ASH1L: variants seen among roughly 807,000 people sequenced by gnomAD.
ASH1L encodes the protein histone-lysine N-methyltransferase ASH1L.
In ASH1L, 23 loss-of-function variants were observed where a neutral mutation model predicts 269.0. The ratio of observed to expected loss-of-function variants is 0.09; its 90% CI spans 0.06 to 0.12. ASH1L has a LOEUF of 0.12. ASH1L is among the 10% of genes least tolerant of loss of function. The probability of loss-of-function intolerance (pLI) is 1.00; values close to 1 mark genes in which losing one functional copy is unlikely to be tolerated. For missense variants in ASH1L, 2,912 were observed against 3,567.8 expected, an observed-to-expected ratio of 0.82 and a Z score of 4.68; for synonymous variants, 1,187 against 1,253.5, an observed-to-expected ratio of 0.95 and a Z score of 1.12.
chr1:155,562,878 GGCCGCC>G (rs760485253), upstream of ASH1L: 6 of 321,786 alleles, frequency 1.9e-5, no homozygotes, highest in Non-Finnish European at 3.0e-5. Flanking sequence ...CCGCCGCCAC[GGCCGCC>G]GCCGCCGCCG....
chr1:155,407,391 T>C (rs1027884863), intron 6 of ASH1L, among the ~76,000 whole-genome samples: 7 of 152,180 alleles, frequency 4.6e-5, no homozygotes, highest in Admixed American at 1.3e-4. Context: ...CAATATTATA[T>C]ATACAATTAC....
intron 1 of ASH1L, among the ~76,000 whole-genome samples, chr1:155,551,399 G>A (rs897243885): frequency 1.3e-5 from 2 of 151,980 alleles, no homozygotes; most frequent in African/African-American, 4.8e-5. Context: ...AGTGGCTCAC[G>A]CCTGTAATCC....
chr1:155,436,647 C>T (rs1016547125), intron 5 of ASH1L, among the ~76,000 whole-genome samples: 4 of 151,924 alleles, frequency 2.6e-5, no homozygotes, highest in African/African-American at 7.2e-5. Flanking sequence ...CAGGCACACA[C>T]CACCACGCCT....
intron 4 of ASH1L, among the ~76,000 whole-genome samples, chr1:155,439,957 C>CT (rs537812212): frequency 3.3e-4 from 48 of 147,586 alleles, no homozygotes; most frequent in Non-Finnish European, 3.6e-4. Flanking sequence ...ATTTTTAAGA[C>CT]TTTTTTTTTT....
chr1:155,379,215 T>G (rs1213400580), intron 8 of ASH1L, among the ~76,000 whole-genome samples: 1 of 152,160 alleles, frequency 6.6e-6, no homozygotes, highest in Non-Finnish European at 1.5e-5. Context: ...TATATTGGAA[T>G]AATCCCACCA....
chr1:155,386,303 G>C (rs1452521871), intron 7 of ASH1L, among the ~76,000 whole-genome samples: 1 of 151,818 alleles, frequency 6.6e-6, no homozygotes, highest in Non-Finnish European at 1.5e-5. Flanking sequence ...CCTGACCTCA[G>C]GTGATCTGCC....
chr1:155,368,001 T>A (rs1162993986), intron 12 of ASH1L, among the ~76,000 whole-genome samples: 1 of 152,148 alleles, frequency 6.6e-6, no homozygotes, highest in East Asian at 1.9e-4. Context: ...TATTTCTTCT[T>A]CTTCGTCTTC....
intron 2 of ASH1L, among the ~76,000 whole-genome samples, chr1:155,511,376 T>G (rs1026817975): frequency 6.6e-6 from 1 of 152,222 alleles, no homozygotes; most frequent in Non-Finnish European, 1.5e-5. Context: ...TAACAATGTT[T>G]TTCTAGATTC....
chr1:155,337,663 C>T lies in ASH1L; in HGVS notation c.8892G>A (p.Lys2964=). The part of the protein sequence containing the change: ...TLFIPENSFR[K] ...TGAGGTTCTCATTCTTTGAGGGTCA[C>T]TTTCGAAAGCTGTTTTCTGGGATAA... Residue 2964 remains lysine (K), a synonymous_variant, in exon 28 of 28, where the codon AAG becomes AAA. Transcript: ENST00000392403. 1 of 1,613,458 alleles carries T rather than the reference C, an allele frequency of 6.2e-7. No individual in the cohort carries two copies. The highest frequency in any genetic ancestry group is 8.5e-7 in the Non-Finnish European group (1 of 1,179,436).
intron 3 of ASH1L, among the ~76,000 whole-genome samples, chr1:155,474,458 G>A (rs1020415117): frequency 2.0e-5 from 3 of 152,204 alleles, no homozygotes; most frequent in Non-Finnish European, 4.4e-5. Flanking sequence ...AGCACTTTGG[G>A]AGGGCAAGGT....
intron 7 of ASH1L, among the ~76,000 whole-genome samples, chr1:155,391,968 A>C (rs892149201): frequency 2.0e-5 from 3 of 152,164 alleles, no homozygotes; most frequent in African/African-American, 7.2e-5. Flanking sequence ...AAAAATAGAA[A>C]TAAAAATAAA....
At chr1:155,449,080 T>C (rs1008635544) in intron 4 of ASH1L, among the ~76,000 whole-genome samples, 2 of 151,838 alleles carry the variant, frequency 1.3e-5, no homozygotes, top group Non-Finnish European at 2.9e-5. Flanking sequence ...ACTACAGGCA[T>C]GTGCCACCAC....
Position 155,415,912 on chromosome 1 carries a change from G to A in ASH1L, c.5840C>T (p.Ala1947Val), listed in dbSNP as rs1444978598. The A allele has an allele frequency of 6.4e-7, 1 of 1,557,524 alleles. No individual in the cohort carries two copies. The change falls in exon 6 of 28, where the codon GCA becomes GTA. Residue 1947 changes from alanine to valine, a missense_variant. Transcript: ENST00000392403. ...AGAAGGACTGGGAATCTCAACTGGT[G>A]CTTCATTAAAGCTAGAAAGAGAAGT... ...EQENNKSFNEAPVEIPSPSET... is the reference protein window; with the variant it reads ...EQENNKSFNEVPVEIPSPSET...
At chr1:155,533,455 T>C (rs911619799) in intron 1 of ASH1L, among the ~76,000 whole-genome samples, 1 of 151,918 alleles carries the variant, frequency 6.6e-6, no homozygotes, top group Non-Finnish European at 1.5e-5. Flanking sequence ...GGCTCACACC[T>C]GTAATCACAG....
chr1:155,549,747 A>C (rs1336551127), intron 1 of ASH1L, among the ~76,000 whole-genome samples: 1 of 152,112 alleles, frequency 6.6e-6, no homozygotes, highest in African/African-American at 2.4e-5. Context: ...GGGGGAACCA[A>C]TCTCTCACAG....
intron 4 of ASH1L, among the ~76,000 whole-genome samples, chr1:155,445,522 C>T (rs913229401): frequency 7.2e-5 from 11 of 151,856 alleles, no homozygotes; most frequent in Non-Finnish European, 1.5e-4. Context: ...AAATAAGCCA[C>T]GAAGTGTCTG....
chr1:155,538,483 G>A (rs1453224899), intron 1 of ASH1L, among the ~76,000 whole-genome samples: 3 of 151,686 alleles, frequency 2.0e-5, no homozygotes, highest in Non-Finnish European at 2.9e-5. Flanking sequence ...TCAGCCTCCC[G>A]AGTAGCCGGG....
At chr1:155,423,741 CTTCTTTT>C (rs1301061218) in intron 5 of ASH1L, among the ~76,000 whole-genome samples, 1 of 152,098 alleles carries the variant, frequency 6.6e-6, no homozygotes, top group African/African-American at 2.4e-5. Flanking sequence ...ATTTATCTTT[CTTCTTTT>C]GAGACGGAGT....
chr1:155,449,903 T>C (rs949631968), intron 4 of ASH1L, among the ~76,000 whole-genome samples: 4 of 152,224 alleles, frequency 2.6e-5, no homozygotes, highest in African/African-American at 9.6e-5. Flanking sequence ...TTCTACCTAC[T>C]ATGTTTTCTT....
Sources: allele counts gnomAD v4.1 joint callset (sites outside exome capture counted in the v4.1 genomes callset), GRCh38; gene constraint gnomAD v4.1.1; transcripts MANE v1.5; gene names NCBI Gene and HGNC (gene_info 2026-07-23, HGNC 2026-07-21).